ERI1: variants seen among roughly 807,000 people sequenced by gnomAD.
ERI1 encodes exoribonuclease 1.
ERI1 carries 39 observed loss-of-function variants against 39.7 expected under a neutral mutation model. That is an observed-to-expected ratio of 0.98 (90% CI 0.76 to 1.28). ERI1 has a LOEUF of 1.28. Ranked by LOEUF, ERI1 falls within the 50% of genes most tolerant of loss-of-function variation. ERI1 has a pLI of 0.00. For missense variants in ERI1, 581 were observed against 416.9 expected, an observed-to-expected ratio of 1.39 and a Z score of -3.43; for synonymous variants, 204 against 149.6, an observed-to-expected ratio of 1.36 and a Z score of -2.65.
In ERI1 at chr8:9,003,175, AG is replaced by A. The variant is rs2117156957; in HGVS notation, c.108+6del. 8.9e-6 allele frequency: 11 copies of A among 1,241,274 alleles called. No homozygotes were observed. The South Asian group carries it at 4.3e-4, about 48-fold the overall frequency. 76.9% of individuals were successfully genotyped at this position (1,241,274 alleles called of 1,614,324 possible). ...GCCGCCGCGTCCCAGTCCCGAGGTG[AG>A]GAGTCGACCCGCGCCTGGCTGTTGG... On this transcript the variant is annotated splice_donor_5th_base_variant and intron_variant, in intron 1 of 6. Coordinates refer to ENST00000250263, the MANE Select transcript of ERI1 (RefSeq NM_153332.4).
intron 3 of ERI1, among the ~76,000 whole-genome samples, chr8:9,056,541 C>T (rs1438315661): frequency 6.6e-6 from 1 of 152,168 alleles, no homozygotes; most frequent in Non-Finnish European, 1.5e-5. Flanking sequence ...GATGTTTCCA[C>T]ATTTAAGGTA....
intron 1 of ERI1, among the ~76,000 whole-genome samples, chr8:9,007,132 G>T (rs1042478432): frequency 6.6e-6 from 1 of 152,186 alleles, no homozygotes. Context: ...GAGACTGCCT[G>T]TGGAGAAAAT....
At chr8:9,085,237 C>T (rs776862743) in intron 3 of ERI1, among the ~76,000 whole-genome samples, 3 of 152,098 alleles carry the variant, frequency 2.0e-5, no homozygotes, top group Non-Finnish European at 4.4e-5. Context: ...GAGACTGAGT[C>T]TTGCTCTGTC....
At chr8:9,058,331 C>T (rs1798579759) in intron 3 of ERI1, among the ~76,000 whole-genome samples, 1 of 152,180 alleles carries the variant, frequency 6.6e-6, no homozygotes, top group African/African-American at 2.4e-5. Context: ...TTGCTATGTG[C>T]CCCATGGTCC....
intron 3 of ERI1, chr8:9,049,786 A>G (rs1223853187): frequency 6.6e-6 from 1 of 152,172 alleles, no homozygotes; most frequent in Non-Finnish European, 1.5e-5. Flanking sequence ...CAAAGGCCGG[A>G]TGGGATTTCT....
chr8:9,063,688 G>A (rs1192574944), intron 3 of ERI1, among the ~76,000 whole-genome samples: 3 of 152,176 alleles, frequency 2.0e-5, no homozygotes, highest in African/African-American at 7.2e-5. Flanking sequence ...AGAATGCCTG[G>A]ACATCGGGCA....
chr8:9,088,027 A>G (rs1799584474), intron 3 of ERI1, among the ~76,000 whole-genome samples: 1 of 152,158 alleles, frequency 6.6e-6, no homozygotes, highest in Admixed American at 6.5e-5. Flanking sequence ...AGGTGCACAG[A>G]GCTACATGTG....
chr8:9,051,381 G>A (rs976029657), intron 3 of ERI1, among the ~76,000 whole-genome samples: 1 of 152,024 alleles, frequency 6.6e-6, no homozygotes, highest in Non-Finnish European at 1.5e-5. Flanking sequence ...TAAGGGCTGG[G>A]CGTGGTGGCT....
intron 3 of ERI1, among the ~76,000 whole-genome samples, chr8:9,097,970 G>T (rs1454647787): frequency 2.0e-5 from 3 of 152,204 alleles, no homozygotes; most frequent in Non-Finnish European, 2.9e-5. Flanking sequence ...GGCATTTGCA[G>T]CAACCTGAGT....
Position 9,025,360 on chromosome 8 carries a change from C to G in ERI1, c.808-4432C>G, listed in dbSNP as rs149059268. 3.3e-5 allele frequency among the ~76,000 whole-genome samples: 5 copies of G among 152,308 alleles called. No homozygotes were observed. The East Asian group carries it at 5.8e-4, about 18-fold the overall frequency. ...TCCGTTACCTTTGAAATGCAAGAAT[C>G]TTGTCACTTGAAGTCAAACATTTTC... On this transcript the variant is annotated intron_variant, in intron 6 of 6. Coordinates refer to ENST00000250263, the MANE Select transcript of ERI1 (RefSeq NM_153332.4).
At chr8:9,019,900 A>G (rs1305904657) in intron 5 of ERI1, among the ~76,000 whole-genome samples, 7 of 152,220 alleles carry the variant, frequency 4.6e-5, no homozygotes, top group East Asian at 1.9e-4. Flanking sequence ...CTTAACTACA[A>G]TAAATTGGTT....
At chr8:9,045,891 C>G (rs538589910) in intron 3 of ERI1, among the ~76,000 whole-genome samples, 1 of 151,984 alleles carries the variant, frequency 6.6e-6, no homozygotes, top group Non-Finnish European at 1.5e-5. Context: ...GTTGGCCAGG[C>G]TGGTCTTGAA....
chr8:9,078,435 C>T (rs945420343), intron 3 of ERI1, among the ~76,000 whole-genome samples: 3 of 151,852 alleles, frequency 2.0e-5, no homozygotes, highest in South Asian at 2.1e-4. Flanking sequence ...AGAGTTTAAG[C>T]GACTTAACCA....
intron 4 of ERI1, among the ~76,000 whole-genome samples, chr8:9,017,219 T>C (rs1445248443): frequency 1.3e-5 from 2 of 152,012 alleles, no homozygotes; most frequent in Non-Finnish European, 2.9e-5. Context: ...TTTTTTTTAT[T>C]TTTAGTAGAG....
chr8:9,016,367 CT>C lies in ERI1; in HGVS notation c.545del (p.Leu182ArgfsTer8). On this transcript the variant is annotated frameshift_variant, in exon 4 of 7. Transcript: ENST00000250263. LOFTEE classifies it high-confidence loss of function. ...QYVRPEINTQ[L>X]SDFCISLTGI... ...TGTAAGACCAGAGATTAACACACAG[CT>C]GTCTGATTTCTGCATCAGTCTAACT... The C allele has an allele frequency of 6.2e-7, 1 of 1,608,048 alleles. No homozygotes were observed. The highest frequency in any genetic ancestry group is 8.5e-7 in the Non-Finnish European group (1 of 1,176,804).
intron 3 of ERI1, among the ~76,000 whole-genome samples, chr8:9,045,973 G>A (rs1014999929): frequency 3.9e-5 from 6 of 152,092 alleles, no homozygotes; most frequent in Admixed American, 6.5e-5. Flanking sequence ...GCCACTGCAC[G>A]TGGCCATATC....
At chr8:9,087,554 C>T (rs796691204) in intron 3 of ERI1, among the ~76,000 whole-genome samples, 4 of 152,010 alleles carry the variant, frequency 2.6e-5, no homozygotes, top group African/African-American at 9.6e-5. Flanking sequence ...CTGCACCCTG[C>T]CCTTATTTTT....
chr8:9,037,407 C>T (rs1446199617), downstream of ERI1, among the ~76,000 whole-genome samples: 2 of 152,136 alleles, frequency 1.3e-5, no homozygotes, highest in Non-Finnish European at 1.5e-5. Context: ...GGACCTTTGG[C>T]AACAACTCCC....
chr8:9,053,719 G>C (rs746945104), intron 3 of ERI1, among the ~76,000 whole-genome samples: 1 of 152,158 alleles, frequency 6.6e-6, no homozygotes, highest in Non-Finnish European at 1.5e-5. Context: ...TGGTTTGTGT[G>C]ATATGACAGT....
Sources: allele counts gnomAD v4.1 joint callset (sites outside exome capture counted in the v4.1 genomes callset), GRCh38; gene constraint gnomAD v4.1.1; transcripts MANE v1.5; gene names NCBI Gene and HGNC (gene_info 2026-07-23, HGNC 2026-07-21).